The following CCSER1 variants were observed in gnomAD, a reference collection of about 807,000 sequenced individuals.
The protein encoded by CCSER1 is serine-rich coiled-coil domain-containing protein 1.
In CCSER1, 41 loss-of-function variants were observed where a neutral mutation model predicts 82.0. The ratio of observed to expected loss-of-function variants is 0.50; its 90% CI spans 0.39 to 0.65. The LOEUF (loss-of-function observed/expected upper bound fraction) is 0.65. Among genes scored for constraint, CCSER1 ranks in the 30% least tolerant of loss-of-function variants. The probability of loss-of-function intolerance (pLI) is 0.00; values close to 1 mark genes in which losing one functional copy is unlikely to be tolerated. For synonymous variants in CCSER1, 414 were observed against 383.9 expected, an observed-to-expected ratio of 1.08 and a Z score of -0.92; for missense variants, 1,119 against 1,064.2, an observed-to-expected ratio of 1.05 and a Z score of -0.72.
chr4:90,180,807 T>C (rs900954185), intron 1 of CCSER1, among the ~76,000 whole-genome samples: 3 of 152,102 alleles, frequency 2.0e-5, no homozygotes, highest in Admixed American at 6.6e-5. Context: ...CAGTAAATAT[T>C]TCATGGCTTC....
intron 10 of CCSER1, among the ~76,000 whole-genome samples, chr4:91,087,879 A>G (rs1218382878): frequency 6.6e-6 from 1 of 152,158 alleles, no homozygotes; most frequent in Non-Finnish European, 1.5e-5. Flanking sequence ...TAAGAGGCCT[A>G]GTATGTTCTA....
intron 8 of CCSER1, among the ~76,000 whole-genome samples, chr4:90,840,482 T>A (rs1407964610): frequency 6.6e-6 from 1 of 152,208 alleles, no homozygotes; most frequent in Non-Finnish European, 1.5e-5. Flanking sequence ...CTGGAGTGTT[T>A]CACATTTTTC....
intron 9 of CCSER1, among the ~76,000 whole-genome samples, chr4:90,979,643 C>T (rs529700690): frequency 6.6e-6 from 1 of 151,748 alleles, no homozygotes; most frequent in South Asian, 2.1e-4. Flanking sequence ...CTTTCTTTAG[C>T]CAGTGAAATG....
At chr4:91,165,649 C>T (rs1235715723) in intron 10 of CCSER1, among the ~76,000 whole-genome samples, 1 of 152,240 alleles carries the variant, frequency 6.6e-6, no homozygotes, top group East Asian at 1.9e-4. Flanking sequence ...AGACGCCCCT[C>T]CCCCTGCCAG....
At chr4:90,279,856 A>G (rs1408419459) in intron 1 of CCSER1, among the ~76,000 whole-genome samples, 2 of 152,026 alleles carry the variant, frequency 1.3e-5, no homozygotes, top group Non-Finnish European at 2.9e-5. Context: ...TGAAAATTGT[A>G]TATTTTGAAA....
chr4:90,195,843 C>G (rs1224001269), intron 1 of CCSER1, among the ~76,000 whole-genome samples: 1 of 152,082 alleles, frequency 6.6e-6, no homozygotes, highest in Non-Finnish European at 1.5e-5. Flanking sequence ...TATTTCAACA[C>G]AGTGGATAGG....
At chr4:91,335,874 T>G (rs1443531771) in intron 10 of CCSER1, among the ~76,000 whole-genome samples, 1 of 152,038 alleles carries the variant, frequency 6.6e-6, no homozygotes, top group Non-Finnish European at 1.5e-5. Flanking sequence ...TGTGGAAGAG[T>G]AATTTGAGTT....
intron 8 of CCSER1, among the ~76,000 whole-genome samples, chr4:90,920,239 T>C (rs1184332083): frequency 7.6e-6 from 1 of 132,300 alleles, no homozygotes; most frequent in East Asian, 2.0e-4. Flanking sequence ...TTATGTACAA[T>C]ATAAAGTGAA....
intron 1 of CCSER1, among the ~76,000 whole-genome samples, chr4:90,128,111 C>T (rs765752092): frequency 8.0e-4 from 122 of 152,142 alleles, no homozygotes; most frequent in Non-Finnish European, 1.5e-3. Context: ...TGGTTTGCTG[C>T]CTGCGGCCGC....
rs539284566 is a variant in CCSER1 at position 90,785,038 on chromosome 4, T to C, written c.2011-30724T>C. On this transcript the variant is annotated intron_variant, in intron 7 of 10. Transcript: ENST00000509176. ...GAAGAGGCAGAAGAATATTCACTTATAAGTGGATCTACACAGTTCAAACCT... is the reference window on the plus strand; with the variant it reads ...GAAGAGGCAGAAGAATATTCACTTACAAGTGGATCTACACAGTTCAAACCT... 7.8e-5 allele frequency among the ~76,000 whole-genome samples: 10 copies of C among 129,032 alleles called. No homozygotes were observed. In the East Asian group the frequency reaches 1.4e-3, roughly 19 times the overall value. 84.7% of individuals were successfully genotyped at this position (129,032 alleles called of 152,430 possible).
intron 5 of CCSER1, among the ~76,000 whole-genome samples, chr4:90,615,959 C>G (rs1379997193): frequency 6.6e-6 from 1 of 152,130 alleles, no homozygotes; most frequent in Non-Finnish European, 1.5e-5. Context: ...CCACTCCACC[C>G]TTCAGCAACC....
chr4:90,247,280 A>G (rs1057396734), intron 1 of CCSER1, among the ~76,000 whole-genome samples: 25 of 152,236 alleles, frequency 1.6e-4, no homozygotes, highest in Admixed American at 1.3e-4. Context: ...AACATTAGGC[A>G]TAAAATCTTT....
At chr4:90,708,211 C>T (rs1311767019) in intron 6 of CCSER1, among the ~76,000 whole-genome samples, 2 of 152,136 alleles carry the variant, frequency 1.3e-5, no homozygotes, top group Non-Finnish European at 2.9e-5. Flanking sequence ...TAGCGTCATG[C>T]CTGAGGGAAA....
At chr4:91,363,357 TTG>T (rs201687094) in intron 10 of CCSER1, among the ~76,000 whole-genome samples, 11,087 of 139,558 alleles carry the variant, frequency 0.079, 657 homozygotes, top group Middle Eastern at 0.12. Context: ...TGGAGATATT[TTG>T]TGTGTGTGTG....
chr4:90,878,941 T>C (rs911955206), intron 8 of CCSER1, among the ~76,000 whole-genome samples: 8 of 152,214 alleles, frequency 5.3e-5, no homozygotes, highest in Non-Finnish European at 1.0e-4. Flanking sequence ...TTGGCATTTT[T>C]TTGAACAGAA....
chr4:91,097,859 G>T (rs1581546908), intron 10 of CCSER1, among the ~76,000 whole-genome samples: 1 of 152,116 alleles, frequency 6.6e-6, no homozygotes, highest in South Asian at 2.1e-4. Context: ...TCATTCTCAA[G>T]AAAATAATGA....
At chr4:91,534,277 T>G (rs998681510) in intron 10 of CCSER1, among the ~76,000 whole-genome samples, 3 of 152,050 alleles carry the variant, frequency 2.0e-5, no homozygotes. Context: ...GTCTCTATCA[T>G]TTTGCTCACA....
At chr4:91,379,163 T>C (rs887527319) in intron 10 of CCSER1, among the ~76,000 whole-genome samples, 4 of 152,236 alleles carry the variant, frequency 2.6e-5, no homozygotes, top group Non-Finnish European at 4.4e-5. Flanking sequence ...CACGATTTTA[T>C]TGAGGATTTT....
chr4:91,420,088 C>A (rs1020387823), intron 10 of CCSER1, among the ~76,000 whole-genome samples: 1 of 151,988 alleles, frequency 6.6e-6, no homozygotes, highest in African/African-American at 2.4e-5. Context: ...ATCTGAAACT[C>A]TAAAAGTCCT....
Sources: gnomAD v4.1 joint callset for allele counts (sites outside exome capture counted in the v4.1 genomes callset) on GRCh38, gnomAD v4.1.1 for gene constraint, MANE v1.5 for transcripts, NCBI Gene and HGNC (gene_info 2026-07-23, HGNC 2026-07-21) for gene names.